The following UBE2L6 variants were observed in gnomAD, a reference collection of about 807,000 sequenced individuals.
The protein encoded by UBE2L6 is ubiquitin/ISG15-conjugating enzyme E2 L6.
UBE2L6 carries 11 observed loss-of-function variants against 13.6 expected under a neutral mutation model. The ratio of observed to expected loss-of-function variants is 0.81; its 90% CI spans 0.51 to 1.34. UBE2L6 has a LOEUF of 1.34. Ranked by LOEUF, UBE2L6 falls within the 40% of genes most tolerant of loss-of-function variation. UBE2L6 has a pLI of 0.00. For synonymous variants in UBE2L6, 74 were observed against 83.2 expected (o/e 0.89, Z 0.60); for missense variants, 197 against 199.5 (o/e 0.99, Z 0.07).
At chr11:57,564,702 C>G (rs1945072909) in intron 1 of UBE2L6, among the ~76,000 whole-genome samples, 1 of 151,934 alleles carries the variant, frequency 6.6e-6, no homozygotes. Context: ...ACTCGGGAGG[C>G]TGAGGTAAGA....
chr11:57,566,957 C>CCA (rs1554991548), intron 1 of UBE2L6: 2 of 218,622 alleles, frequency 9.1e-6, no homozygotes, highest in African/African-American at 6.2e-5. Flanking sequence ...GCCCCCCCCC[C>CCA]CCTCCTAGAA....
Position 57,560,411 on chromosome 11 carries a change from T to C in UBE2L6, c.49A>G (p.Lys17Glu), listed in dbSNP as rs143103984. Residue 17 changes from lysine (K) to glutamate (E), a missense_variant, in exon 2 of 4, where the codon AAG (lysine) becomes GAG (glutamate). Physicochemically the swap from Lys to Glu is moderately conservative, Grantham distance 56 (BLOSUM62 1). Transcript: ENST00000287156. ...VVKELEDLQK[K>E]PPPYLRNLSS... ...AGGTTCCGCAGGTATGGGGGAGGCT[T>C]CTTCTGAAGATCCTCCAGCTCCTGC... is the stretch of plus-strand genomic sequence containing the variant. 5.0e-6 allele frequency: 8 copies of C among 1,613,572 alleles called. No individual in the cohort carries two copies. Among genetic ancestry groups the C allele is most frequent in the African/African-American group, 2.7e-5 (2 of 74,978 alleles).
intron 1 of UBE2L6, among the ~76,000 whole-genome samples, chr11:57,563,684 G>T (rs921030623): frequency 9.4e-5 from 14 of 149,430 alleles, no homozygotes; most frequent in Non-Finnish European, 1.9e-4. Flanking sequence ...GAGATCAGGA[G>T]ATCGAGACCA....
intron 1 of UBE2L6, among the ~76,000 whole-genome samples, chr11:57,560,781 C>T (rs1945038756): frequency 6.6e-6 from 1 of 151,922 alleles, no homozygotes; most frequent in African/African-American, 2.4e-5. Context: ...CCACCACGCC[C>T]CGCTAATTTT....
At chr11:57,565,487 C>T (rs1048599765) in intron 1 of UBE2L6, among the ~76,000 whole-genome samples, 3 of 149,438 alleles carry the variant, frequency 2.0e-5, no homozygotes, top group Non-Finnish European at 4.4e-5. Flanking sequence ...ACCTCAGCCT[C>T]CCAAGTAGCT....
intron 2 of UBE2L6, among the ~76,000 whole-genome samples, chr11:57,558,593 G>A (rs1291473025): frequency 2.0e-5 from 3 of 152,046 alleles, no homozygotes; most frequent in South Asian, 2.1e-4. Flanking sequence ...CTCATATGTC[G>A]TGTGCTTAAA....
At chr11:57,560,551 G>C (rs375392572) in intron 1 of UBE2L6, 119 bp from the exon 2 acceptor site, 1 of 701,978 alleles carries the variant, frequency 1.4e-6, no homozygotes, top group Non-Finnish European at 2.6e-6. Flanking sequence ...GGCAGAAGCC[G>C]GTAAAGTCAG....
At chr11:57,563,072 T>C (rs753770485) in intron 1 of UBE2L6, among the ~76,000 whole-genome samples, 6 of 152,172 alleles carry the variant, frequency 3.9e-5, no homozygotes, top group Non-Finnish European at 8.8e-5. Flanking sequence ...AAAATAGCTG[T>C]TTTGAGGAAA....
chr11:57,559,960 G>A (rs918656963), intron 2 of UBE2L6, among the ~76,000 whole-genome samples: 10 of 152,130 alleles, frequency 6.6e-5, no homozygotes, highest in East Asian at 1.9e-4. Context: ...TTAGGTTTGC[G>A]GGAGCAAATT....
At chr11:57,557,523 T>C (rs963700691) in intron 2 of UBE2L6, among the ~76,000 whole-genome samples, 9 of 151,610 alleles carry the variant, frequency 5.9e-5, no homozygotes, top group African/African-American at 2.2e-4. Context: ...GCCTCCCAAC[T>C]AGTTGGGATT....
At chr11:57,554,220 C>T (rs1236560444) in intron 3 of UBE2L6, among the ~76,000 whole-genome samples, 1 of 152,178 alleles carries the variant, frequency 6.6e-6, no homozygotes, top group Non-Finnish European at 1.5e-5. Flanking sequence ...ACCGCAGCAA[C>T]GTTCCTCTGT....
At chr11:57,552,705 G>C (rs1278127124) in intron 3 of UBE2L6, among the ~76,000 whole-genome samples, 196 bp from the exon 4 acceptor site, 1 of 152,162 alleles carries the variant, frequency 6.6e-6, no homozygotes, top group Non-Finnish European at 1.5e-5. Context: ...TTACATCAGT[G>C]GTTTTCAAAC....
intron 2 of UBE2L6, among the ~76,000 whole-genome samples, chr11:57,557,284 T>G (rs947888289): frequency 6.6e-6 from 1 of 152,032 alleles, no homozygotes; most frequent in Admixed American, 6.6e-5. Flanking sequence ...GCTCTCTCTC[T>G]CTTTCACTTC....
At position 57,567,633 on chromosome 11, in the gene UBE2L6, C is replaced by T. The variant is rs776453256; in HGVS notation, c.-22G>A. ...TCATGTCGGGACCGAGTGTGTGGCACCCGTGGCCTCCAGCAGGACCGAGCT... is the reference window on the plus strand; with the variant it reads ...TCATGTCGGGACCGAGTGTGTGGCATCCGTGGCCTCCAGCAGGACCGAGCT... On this transcript the variant is annotated 5_prime_UTR_variant, in exon 1 of 4. It adds an upstream start codon to the 5' untranslated region. Coordinates refer to ENST00000287156, the MANE Select transcript of UBE2L6 (RefSeq NM_004223.5). The T allele has an allele frequency of 2.5e-6, 4 of 1,604,438 alleles. No homozygotes were observed. The highest frequency in any genetic ancestry group is 1.1e-5 in the South Asian group (1 of 88,760).
At chr11:57,555,223 G>A (rs541638975) in intron 2 of UBE2L6, among the ~76,000 whole-genome samples, 21 of 152,264 alleles carry the variant, frequency 1.4e-4, no homozygotes, top group African/African-American at 4.8e-4. Flanking sequence ...GCAGCCAAAA[G>A]GTGAAAGCAA....
At position 57,554,570 on chromosome 11, in the gene UBE2L6, C is replaced by T. The variant is rs2234408; in HGVS notation, c.177G>A (p.Pro59=). The T allele has an allele frequency of 2.9e-4, 474 of 1,614,096 alleles. No homozygotes were observed. The East Asian group carries it at 3.7e-3, about 13-fold the overall frequency. Residue 59 remains proline (P), a synonymous_variant, in exon 3 of 4, where the codon CCG becomes CCA. Transcript: ENST00000287156. ...KAFNLRISFP[P]EYPFKPPMIK... is the part of the protein sequence containing the mutation. ...TCATGGGAGGCTTGAACGGATACTC[C>T]GGCGGGAAGCTGATGCGCAGGTTGA...
intron 1 of UBE2L6, among the ~76,000 whole-genome samples, chr11:57,560,731 C>T (rs1485899266): frequency 6.6e-6 from 1 of 151,784 alleles, no homozygotes; most frequent in African/African-American, 2.4e-5. Flanking sequence ...CGCCATTCTC[C>T]TGCCTCAGCC....
intron 1 of UBE2L6, chr11:57,567,371 G>T: frequency 3.0e-6 from 2 of 675,114 alleles, no homozygotes; most frequent in Non-Finnish European, 5.1e-6. Flanking sequence ...AACGGCTCAA[G>T]CAGAGGCCTC....
intron 1 of UBE2L6, 111 bp downstream of exon 1, chr11:57,567,474 G>C (rs544994390): frequency 5.7e-4 from 830 of 1,460,932 alleles, no homozygotes; most frequent in Non-Finnish European, 7.4e-4. Flanking sequence ...CAGCCCTGGT[G>C]CCCAGACAAA....
Sources: allele counts gnomAD v4.1 joint callset (sites outside exome capture counted in the v4.1 genomes callset), GRCh38; gene constraint gnomAD v4.1.1; transcripts MANE v1.5; gene names NCBI Gene and HGNC (gene_info 2026-07-23, HGNC 2026-07-21).